Variants in UPK3A observed in about 807,000 individuals in gnomAD.
The protein encoded by UPK3A is uroplakin-3a.
UPK3A carries 32 observed loss-of-function variants against 27.6 expected under a neutral mutation model. That is an observed-to-expected ratio of 1.16 (90% CI 0.87 to 1.55). The LOEUF is 1.55. UPK3A is among the 40% of genes most tolerant of loss of function. UPK3A has a pLI of 0.00. For missense variants in UPK3A, 370 were observed against 367.9 expected, an observed-to-expected ratio of 1.01 and a Z score of -0.05; for synonymous variants, 171 against 163.9, an observed-to-expected ratio of 1.04 and a Z score of -0.33.
chr22:45,292,128 G>C (rs2084166129), intron 4 of UPK3A, among the ~76,000 whole-genome samples: 1 of 152,204 alleles, frequency 6.6e-6, no homozygotes, highest in African/African-American at 2.4e-5. Context: ...CCTCACTGCG[G>C]TGTGAGCCGT....
intron 4 of UPK3A, among the ~76,000 whole-genome samples, chr22:45,289,451 G>A (rs2084143665): frequency 6.6e-6 from 1 of 151,838 alleles, no homozygotes; most frequent in Non-Finnish European, 1.5e-5. Flanking sequence ...TGGTGGGGGT[G>A]CCTTTAGTCC....
intron 2 of UPK3A, among the ~76,000 whole-genome samples, chr22:45,286,717 C>T (rs779001251): frequency 3.3e-5 from 5 of 152,138 alleles, no homozygotes; most frequent in Non-Finnish European, 5.9e-5. Context: ...GCCTGATCTC[C>T]GGGCACTGTA....
chr22:45,285,135 G>T (rs574401150), intron 1 of UPK3A, 70 bp downstream of exon 1: 16 of 1,401,358 alleles, frequency 1.1e-5, no homozygotes, highest in East Asian at 5.2e-5. Flanking sequence ...GGCGCCCGCC[G>T]CCTGGACCCT....
In UPK3A at chr22:45,289,161, G is replaced by T; in HGVS notation, c.571+18G>T. 6.2e-7 allele frequency: 1 copy of T among 1,613,356 alleles called. No homozygotes were observed. The highest frequency in any genetic ancestry group is 8.5e-7 in the Non-Finnish European group (1 of 1,179,590). On this transcript the variant is annotated intron_variant, in intron 4 of 5. Coordinates refer to ENST00000216211, the MANE Select transcript of UPK3A (RefSeq NM_006953.4). The stretch of plus-strand genomic sequence containing the variant: ...CAACCAGCGTAAGTGGTGGGCAGTG[G>T]TGGTGGTGATGCTCAAGGGGACCCG...
At chr22:45,294,797 C>T (rs2084184117) in intron 5 of UPK3A, among the ~76,000 whole-genome samples, 1 of 151,994 alleles carries the variant, frequency 6.6e-6, no homozygotes, top group African/African-American at 2.4e-5. Flanking sequence ...ACCATCGCTC[C>T]AGATACTCCT....
intron 4 of UPK3A, among the ~76,000 whole-genome samples, chr22:45,292,792 C>T (rs117254698): frequency 0.021 from 3,225 of 151,932 alleles, 70 homozygotes; most frequent in Non-Finnish European, 0.025. Context: ...CCTGTAGTCC[C>T]GGCTGCTTGG....
chr22:45,284,979 C>T lies in UPK3A; in HGVS notation c.-35C>T. ...TGGTGCCCGCGCCTGCTCGCTGGAC[C>T]GCCCGCCCCGCGCTCTGGCGGCTCC... is the stretch of plus-strand genomic sequence containing the variant. On this transcript the variant is annotated 5_prime_UTR_variant, in exon 1 of 6. Coordinates refer to ENST00000216211, the MANE Select transcript of UPK3A (RefSeq NM_006953.4). 1 of 1,526,832 alleles carries T rather than the reference C, an allele frequency of 6.5e-7. No homozygotes were observed. The allele number at this position is 1,526,832 out of a possible 1,614,324, so 94.6% of individuals were successfully genotyped here.
At chr22:45,293,407 G>T in intron 5 of UPK3A, 94 bp downstream of exon 5, 1 of 1,538,748 alleles carries the variant, frequency 6.5e-7, no homozygotes, top group Non-Finnish European at 8.9e-7. Context: ...CCGAGGCAGG[G>T]GACAGCCCGG....
At chr22:45,286,415 C>G (rs8138385) in intron 2 of UPK3A, among the ~76,000 whole-genome samples, 10,436 of 152,146 alleles carry the variant, frequency 0.069, 1,250 homozygotes, top group African/African-American at 0.24. Flanking sequence ...TGGAATAACC[C>G]CCCCTGGACC....
chr22:45,288,180 A>T (rs1211555797), intron 3 of UPK3A, among the ~76,000 whole-genome samples: 1 of 150,644 alleles, frequency 6.6e-6, no homozygotes, highest in Non-Finnish European at 1.5e-5. Flanking sequence ...AAGCCTTGCC[A>T]TCTGCAGCCT....
intron 5 of UPK3A, 108 bp downstream of exon 5, chr22:45,293,421 G>C (rs540677881): frequency 1.2e-5 from 18 of 1,448,856 alleles, no homozygotes; most frequent in Non-Finnish European, 1.7e-5. Context: ...AGCCCGGAAG[G>C]CAAGGAAGCT....
chr22:45,292,946 A>C (rs551714480), intron 4 of UPK3A, among the ~76,000 whole-genome samples: 2 of 150,682 alleles, frequency 1.3e-5, no homozygotes, highest in East Asian at 3.9e-4. Context: ...AAAAAAAAAG[A>C]GAAGAAAGAG....
chr22:45,290,434 TGTGA>T (rs2084152409), intron 4 of UPK3A, among the ~76,000 whole-genome samples: 2 of 152,176 alleles, frequency 1.3e-5, no homozygotes, highest in Admixed American at 6.5e-5. Context: ...AAGCCTTGTG[TGTGA>T]GTATGTGAGT....
chr22:45,292,619 G>A (rs545330819), intron 4 of UPK3A, among the ~76,000 whole-genome samples: 53 of 152,250 alleles, frequency 3.5e-4, no homozygotes, highest in African/African-American at 1.1e-3. Context: ...ATGCAAAGCC[G>A]GGGCACTCTG....
intron 3 of UPK3A, among the ~76,000 whole-genome samples, 194 bp from the exon 4 acceptor site, chr22:45,288,867 G>T (rs756500624): frequency 2.0e-5 from 3 of 151,696 alleles, no homozygotes; most frequent in South Asian, 2.1e-4. Context: ...GGGGTCCTGG[G>T]GGGGGTCCTA....
chr22:45,289,669 G>T (rs143444810), intron 4 of UPK3A, among the ~76,000 whole-genome samples: 1 of 151,290 alleles, frequency 6.6e-6, no homozygotes, highest in Non-Finnish European at 1.5e-5. Flanking sequence ...GAGGAGAATC[G>T]CTTGAACTGG....
Position 45,293,332 on chromosome 22 carries a change from G to A in UPK3A, c.704+19G>A. 1 of 1,613,302 alleles carries A rather than the reference G, an allele frequency of 6.2e-7. No homozygotes were observed. Among genetic ancestry groups the A allele is most frequent in the Non-Finnish European group, 8.5e-7 (1 of 1,180,014 alleles). ...GCCTCGTGTAAGTACCTGCCTGCTG[G>A]GAGGGCTGGACCCCAGGGACATGCC... On this transcript the variant is annotated intron_variant, in intron 5 of 5. Coordinates refer to ENST00000216211, the MANE Select transcript of UPK3A (RefSeq NM_006953.4).
intron 5 of UPK3A, among the ~76,000 whole-genome samples, chr22:45,294,331 G>A (rs1208105607): frequency 6.6e-6 from 1 of 151,864 alleles, no homozygotes; most frequent in East Asian, 1.9e-4. Flanking sequence ...GAGTGAGGAA[G>A]GAGGCTGAGA....
rs111661191 is a variant in UPK3A at position 45,288,389 on chromosome 22, G to A, written c.489-672G>A. Among the ~76,000 whole-genome samples the A allele has an allele frequency of 7.1e-3, 1,082 of 152,220 alleles. 14 individuals are homozygous for A. Among genetic ancestry groups the A allele is most frequent in the Middle Eastern group, 0.055 (16 of 292 alleles). On this transcript the variant is annotated intron_variant, in intron 3 of 5. Transcript: ENST00000216211. ...TTGTTTTTGTATTTTTAGTAGAGAC[G>A]GGGTTTCACTGTGTCAGCCAGAATG... is the stretch of plus-strand genomic sequence containing the variant.
Sources: gnomAD v4.1 joint callset for allele counts (sites outside exome capture counted in the v4.1 genomes callset) on GRCh38, gnomAD v4.1.1 for gene constraint, MANE v1.5 for transcripts, NCBI Gene and HGNC (gene_info 2026-07-23, HGNC 2026-07-21) for gene names.